PCDHGA6: variants seen among roughly 807,000 people sequenced by gnomAD.
The protein encoded by PCDHGA6 is protocadherin gamma-A6.
Under a neutral mutation model 60.6 loss-of-function variants are expected in PCDHGA6, and 41 were observed. The observed-to-expected ratio is 0.68, with a 90% CI of 0.53 to 0.88. PCDHGA6 has a LOEUF of 0.88. Ranked by LOEUF, PCDHGA6 falls within the 40% of genes least tolerant of loss-of-function variation. The probability of loss-of-function intolerance (pLI) is 0.00; values close to 1 mark genes in which losing one functional copy is unlikely to be tolerated. For missense variants in PCDHGA6, 1,312 were observed against 1,203.0 expected, an observed-to-expected ratio of 1.09 and a Z score of -1.34; for synonymous variants, 594 against 524.4, an observed-to-expected ratio of 1.13 and a Z score of -1.81.
Position 141,483,648 on chromosome 5 carries a change from T to TTGTG in PCDHGA6, c.2425-11141_2425-11138dup, listed in dbSNP as rs111458813. ...GGAGAAGGTATAGAGGGGTGTGTGTTTGTGTGTGTGTGTGTGTGTGTAAAA... is the reference window on the plus strand; with the variant it reads ...GGAGAAGGTATAGAGGGGTGTGTGTTTGTGTGTGTGTGTGTGTGTGTGTGTAAAA... On this transcript the variant is annotated intron_variant, in intron 1 of 3. Coordinates refer to ENST00000517434, the MANE Select transcript of PCDHGA6 (RefSeq NM_018919.3). Among the ~76,000 whole-genome samples, 501 of 149,686 alleles carry TTGTG rather than the reference T, an allele frequency of 3.3e-3. 2 individuals are homozygous for TTGTG. Among genetic ancestry groups the TTGTG allele is most frequent in the African/African-American group, 7.3e-3 (297 of 40,842 alleles).
At chr5:141,447,121 T>C (rs1341601610) in intron 1 of PCDHGA6, among the ~76,000 whole-genome samples, 1 of 152,104 alleles carries the variant, frequency 6.6e-6, no homozygotes, top group Non-Finnish European at 1.5e-5. Flanking sequence ...CTCCATGGAT[T>C]TTTTTGTTTG....
At position 141,432,902 on chromosome 5, in the gene PCDHGA6, A is replaced by C. The variant is rs992417865; in HGVS notation, c.2424+56395A>C. The C allele has an allele frequency of 1.2e-6, 2 of 1,614,028 alleles. No homozygotes were observed. The highest frequency in any genetic ancestry group is 2.7e-5 in the African/African-American group (2 of 74,924). On this transcript the variant is annotated intron_variant, in intron 1 of 3. Coordinates refer to ENST00000517434, the MANE Select transcript of PCDHGA6 (RefSeq NM_018919.3). The surrounding 1 kb of genome is among the most constrained non-coding windows in gnomAD (Gnocchi z 6.0). ...CTTCGTCATCTTGCTGCTGGCGCTCAGGCTGCGGCGCTGGCACAAGTCACG... is the reference window on the plus strand; with the variant it reads ...CTTCGTCATCTTGCTGCTGGCGCTCCGGCTGCGGCGCTGGCACAAGTCACG...
chr5:141,388,712 G>C (rs1345089798), intron 1 of PCDHGA6: 6 of 1,613,868 alleles, frequency 3.7e-6, no homozygotes, highest in Non-Finnish European at 5.1e-6. Flanking sequence ...TCAATGCCGA[G>C]ATTACTTTCT....
chr5:141,394,868 C>G lies in PCDHGA6; in HGVS notation c.2424+18361C>G, dbSNP rs1159006718. On this transcript the variant is annotated intron_variant, in intron 1 of 3. Coordinates refer to ENST00000517434, the MANE Select transcript of PCDHGA6 (RefSeq NM_018919.3). ...GTCTGAAGCCTTCGGTCGACCCGAA[C>G]GATTCGAGCCTTACACTCTATCTCG... The G allele has an allele frequency of 1.7e-5, 27 of 1,613,710 alleles. No homozygotes were observed. In the African/African-American group the frequency reaches 1.7e-4, roughly 10 times the overall value.
intron 1 of PCDHGA6, among the ~76,000 whole-genome samples, chr5:141,429,387 T>TA (rs11410533): frequency 0.01 from 1,566 of 151,436 alleles, 8 homozygotes; most frequent in Middle Eastern, 0.031. Flanking sequence ...GTTTTTTTTT[T>TA]AAAAAAAATT....
chr5:141,460,092 T>C (rs186695697), intron 1 of PCDHGA6, among the ~76,000 whole-genome samples: 37 of 152,056 alleles, frequency 2.4e-4, no homozygotes, highest in Admixed American at 9.8e-4. Context: ...ATAATAATTA[T>C]ACATGTAATT....
Position 141,491,627 on chromosome 5 carries a change from A to C in PCDHGA6, c.2425-3180A>C. On this transcript the variant is annotated intron_variant, in intron 1 of 3. Transcript: ENST00000517434. The surrounding 1 kb of genome is among the most constrained non-coding windows in gnomAD (Gnocchi z 6.9). ...ACTTTTCTAAGACCCCTCAGCGTTC[A>C]GCAGCCCACAGCTCTGGCGCTGGAG... 6.2e-7 allele frequency: 1 copy of C among 1,613,924 alleles called. No homozygotes were observed. The highest frequency in any genetic ancestry group is 8.5e-7 in the Non-Finnish European group (1 of 1,180,026).
At chr5:141,450,006 CTT>C (rs1554136305) in intron 1 of PCDHGA6, among the ~76,000 whole-genome samples, 13 of 132,938 alleles carry the variant, frequency 9.8e-5, no homozygotes, top group Non-Finnish European at 7.9e-5. Flanking sequence ...TGCCATGTCT[CTT>C]TTTTTTTTTT....
intron 1 of PCDHGA6, among the ~76,000 whole-genome samples, chr5:141,452,267 G>C (rs995249228): frequency 1.3e-5 from 2 of 151,882 alleles, no homozygotes; most frequent in Non-Finnish European, 2.9e-5. Context: ...TCATTTTCTT[G>C]AACCCTTTCT....
intron 1 of PCDHGA6, chr5:141,407,979 T>G: frequency 1.3e-6 from 1 of 748,940 alleles, no homozygotes; most frequent in Non-Finnish European, 2.0e-6. Context: ...ACGCCGGGGA[T>G]CCGTCAGCCT....
chr5:141,507,504 C>T (rs1443873775), intron 3 of PCDHGA6, among the ~76,000 whole-genome samples: 1 of 152,138 alleles, frequency 6.6e-6, no homozygotes, highest in Admixed American at 6.5e-5. Flanking sequence ...TGTCCCAGGT[C>T]TGGTGGGGCT....
Position 141,485,337 on chromosome 5 carries a change from A to G in PCDHGA6, c.2425-9470A>G, listed in dbSNP as rs147409155. On this transcript the variant is annotated intron_variant, in intron 1 of 3. Transcript: ENST00000517434. The surrounding 1 kb of genome is among the most constrained non-coding windows in gnomAD (Gnocchi z 5.7). ...AATGTCGCTCAAGATTTCCTGCTGG[A>G]TACGGACAGTCTGTCAGCTCGCAGG... 4.3e-5 allele frequency: 70 copies of G among 1,614,012 alleles called. No individual in the cohort carries two copies. Among genetic ancestry groups the G allele is most frequent in the Non-Finnish European group, 5.7e-5 (67 of 1,180,016 alleles).
intron 1 of PCDHGA6, chr5:141,384,713 C>T (rs1780398191): frequency 4.3e-6 from 7 of 1,614,104 alleles, no homozygotes; most frequent in Non-Finnish European, 5.9e-6. Context: ...GCCTGGCTGT[C>T]ATACCTCCTG....
chr5:141,386,303 T>A (rs938709302), intron 1 of PCDHGA6, among the ~76,000 whole-genome samples: 6 of 152,202 alleles, frequency 3.9e-5, no homozygotes, highest in Admixed American at 2.0e-4. Flanking sequence ...TTAGTAAAGC[T>A]CAGTATATCA....
intron 2 of PCDHGA6, among the ~76,000 whole-genome samples, chr5:141,503,909 C>T (rs904260329): frequency 1.3e-5 from 2 of 152,156 alleles, no homozygotes; most frequent in Admixed American, 1.3e-4. Flanking sequence ...ACACACACAA[C>T]GCAACACACA....
At chr5:141,495,073 C>T (rs1464039604) in intron 2 of PCDHGA6, among the ~76,000 whole-genome samples, 1 of 152,186 alleles carries the variant, frequency 6.6e-6, no homozygotes, top group Non-Finnish European at 1.5e-5. Flanking sequence ...GCTCAATTCA[C>T]ATGCTTGCCC....
chr5:141,489,096 ACT>A lies in PCDHGA6; in HGVS notation c.2425-5710_2425-5709del. The A allele has an allele frequency of 2.0e-6, 1 of 494,278 alleles. No individual in the cohort carries two copies. The allele number at this position is 494,278 out of a possible 1,614,324, so 30.6% of individuals were successfully genotyped here. A position where few individuals can be genotyped will look rare whatever the true frequency, so the allele number is the denominator to read the frequency against. ...CACCCCCGCCACTCGGTGACTAAGA[ACT>A]GCTGCAAGCAGGCAAACCTCCGAGC... On this transcript the variant is annotated intron_variant, in intron 1 of 3. Coordinates refer to ENST00000517434, the MANE Select transcript of PCDHGA6 (RefSeq NM_018919.3). The surrounding 1 kb of genome is among the most constrained non-coding windows in gnomAD (Gnocchi z 4.5).
chr5:141,399,283 G>A, intron 1 of PCDHGA6: 2 of 1,613,888 alleles, frequency 1.2e-6, no homozygotes, highest in Non-Finnish European at 1.7e-6. Flanking sequence ...ACAAGGCGAA[G>A]TCCCTTTTAA....
chr5:141,478,819 C>T, intron 1 of PCDHGA6: 8 of 1,447,842 alleles, frequency 5.5e-6, no homozygotes, highest in South Asian at 3.0e-5. Flanking sequence ...CACAACTAAC[C>T]AATCTTGCTA....
Sources: gnomAD v4.1 joint callset for allele counts (sites outside exome capture counted in the v4.1 genomes callset) on GRCh38, gnomAD v4.1.1 for gene constraint, Gnocchi (gnomAD v3.1) non-coding constraint, MANE v1.5 for transcripts, NCBI Gene and HGNC (gene_info 2026-07-23, HGNC 2026-07-21) for gene names.